Variants in ABHD5 observed in about 807,000 individuals in gnomAD.
The protein encoded by ABHD5 is 1-acylglycerol-3-phosphate O-acyltransferase ABHD5.
ABHD5 carries 30 observed loss-of-function variants against 44.9 expected under a neutral mutation model. The ratio of observed to expected loss-of-function variants is 0.67; its 90% CI spans 0.50 to 0.91. The LOEUF (loss-of-function observed/expected upper bound fraction) is 0.91. Among genes scored for constraint, ABHD5 ranks in the 40% least tolerant of loss-of-function variants. ABHD5 has a pLI of 0.00. For missense variants in ABHD5, 399 were observed against 423.4 expected (o/e 0.94, Z 0.50); for synonymous variants, 167 against 147.0 (o/e 1.14, Z -0.99).
chr3:43,707,625 C>G (rs2084637673), intron 3 of ABHD5: 1 of 151,832 alleles, frequency 6.6e-6, no homozygotes, highest in African/African-American at 2.4e-5. Flanking sequence ...TCTAATTGTT[C>G]TCCTTTCTTT....
At position 43,721,130 on chromosome 3, in the gene ABHD5, C is replaced by T. The variant is rs2084830970; in HGVS notation, c.*2598C>T. ...GGGATAACCCTATTAAATATTATAACATAATGTTTACAATATGAGAAAGTC... is the reference window on the plus strand; with the variant it reads ...GGGATAACCCTATTAAATATTATAATATAATGTTTACAATATGAGAAAGTC... On this transcript the variant is annotated 3_prime_UTR_variant, in exon 7 of 7. Coordinates refer to ENST00000644371, the MANE Select transcript of ABHD5 (RefSeq NM_016006.6). 6.6e-6 allele frequency: 1 copy of T among 152,042 alleles called. No individual in the cohort carries two copies. The highest frequency in any genetic ancestry group is 6.5e-5 in the Admixed American group (1 of 15,270). 9.4% of individuals were successfully genotyped at this position (152,042 alleles called of 1,614,324 possible). A position where few individuals can be genotyped will look rare whatever the true frequency, so the allele number is the denominator to read the frequency against.
intron 1 of ABHD5, among the ~76,000 whole-genome samples, chr3:43,694,166 G>T (rs2084440229): frequency 6.6e-6 from 1 of 151,304 alleles, no homozygotes; most frequent in African/African-American, 2.4e-5. Context: ...GGCTGAGGCA[G>T]GAGAATGGCG....
At chr3:43,702,132 T>C (rs2084548621) in intron 2 of ABHD5, 83 bp from the exon 3 acceptor site, 2 of 1,246,188 alleles carry the variant, frequency 1.6e-6, no homozygotes, top group Admixed American at 5.0e-5. Flanking sequence ...CTAGATGATT[T>C]GTAATTTTTG....
intron 4 of ABHD5, among the ~76,000 whole-genome samples, chr3:43,712,617 T>A (rs906513617): frequency 1.3e-5 from 2 of 152,204 alleles, no homozygotes; most frequent in African/African-American, 4.8e-5. Flanking sequence ...CCAAGAGGCT[T>A]AAACTAGAAG....
downstream of ABHD5, among the ~76,000 whole-genome samples, chr3:43,723,674 G>C (rs1468600): frequency 0.051 from 7,688 of 152,226 alleles, 291 homozygotes; most frequent in South Asian, 0.12. Flanking sequence ...TGAAAAGCAC[G>C]TTAATATGCT....
At chr3:43,692,685 T>G (rs757994682) in intron 1 of ABHD5, among the ~76,000 whole-genome samples, 2 of 152,200 alleles carry the variant, frequency 1.3e-5, no homozygotes, top group Non-Finnish European at 2.9e-5. Flanking sequence ...GTTCCCATTT[T>G]GCAGTTGAAA....
At chr3:43,727,157 C>T (rs1393643658), downstream of ABHD5, among the ~76,000 whole-genome samples, 4 of 152,302 alleles carry the variant, frequency 2.6e-5, no homozygotes, top group Middle Eastern at 3.4e-3. Flanking sequence ...TTTTCTACCA[C>T]AGCTCTCCCC....
At chr3:43,704,615 G>A (rs773279966) in intron 3 of ABHD5, among the ~76,000 whole-genome samples, 2 of 152,290 alleles carry the variant, frequency 1.3e-5, no homozygotes, top group Admixed American at 6.5e-5. Context: ...TACTGATAAG[G>A]TCAGTTGGCA....
At position 43,719,142 on chromosome 3, in the gene ABHD5, C is replaced by A. The variant is rs1233664709; in HGVS notation, c.*610C>A. On this transcript the variant is annotated 3_prime_UTR_variant, in exon 7 of 7. Coordinates refer to ENST00000644371, the MANE Select transcript of ABHD5 (RefSeq NM_016006.6). ...GTTTACCTGTTTTTTATATTTAAGG[C>A]TGCTAAGCCATGTTCAGCATTTTAA... is the stretch of plus-strand genomic sequence containing the variant. The A allele has an allele frequency of 6.4e-6, 1 of 156,464 alleles. No homozygotes were observed. Among genetic ancestry groups the A allele is most frequent in the Non-Finnish European group, 1.4e-5 (1 of 70,834 alleles). 9.7% of individuals were successfully genotyped at this position (156,464 alleles called of 1,614,324 possible).
chr3:43,703,572 T>C (rs1447544452), intron 3 of ABHD5, among the ~76,000 whole-genome samples: 2 of 152,180 alleles, frequency 1.3e-5, no homozygotes, highest in African/African-American at 4.8e-5. Context: ...GGAGAAAAAC[T>C]CATCTTTGTT....
chr3:43,699,043 A>G (rs1160296146), intron 1 of ABHD5, among the ~76,000 whole-genome samples: 1 of 152,204 alleles, frequency 6.6e-6, no homozygotes, highest in Non-Finnish European at 1.5e-5. Flanking sequence ...CTGACTATCC[A>G]TGAATAAGAT....
intron 3 of ABHD5, among the ~76,000 whole-genome samples, chr3:43,704,264 C>G (rs1326094740): frequency 6.6e-6 from 1 of 152,128 alleles, no homozygotes; most frequent in Non-Finnish European, 1.5e-5. Flanking sequence ...GTCTCAAACT[C>G]TTGACCTCAG....
chr3:43,691,743 G>C (rs956831218), intron 1 of ABHD5: 2 of 152,204 alleles, frequency 1.3e-5, no homozygotes, highest in South Asian at 4.1e-4. Flanking sequence ...AGAGATACAC[G>C]TTCAAATGTC....
intron 6 of ABHD5, 80 bp from the exon 7 acceptor site, chr3:43,718,363 T>A: frequency 1.8e-6 from 2 of 1,135,080 alleles, no homozygotes; most frequent in Non-Finnish European, 2.7e-6. Context: ...CTTTTATTAC[T>A]AAGTGTCTTT....
intron 3 of ABHD5, among the ~76,000 whole-genome samples, chr3:43,705,688 T>C (rs922726348): frequency 6.6e-6 from 1 of 152,180 alleles, no homozygotes; most frequent in Non-Finnish European, 1.5e-5. Flanking sequence ...CCCTTCTCCC[T>C]AGCTTTTTTC....
chr3:43,693,032 A>G (rs1181293333), intron 1 of ABHD5, among the ~76,000 whole-genome samples: 1 of 152,202 alleles, frequency 6.6e-6, no homozygotes, highest in East Asian at 1.9e-4. Context: ...TGCTTTCAAC[A>G]TCCAACCCCT....
At chr3:43,703,860 T>A (rs898787413) in intron 3 of ABHD5, among the ~76,000 whole-genome samples, 2 of 152,058 alleles carry the variant, frequency 1.3e-5, no homozygotes, top group Non-Finnish European at 2.9e-5. Flanking sequence ...AACAGCCACT[T>A]TTTCTCTATA....
At position 43,718,523 on chromosome 3, in the gene ABHD5, T is replaced by C; in HGVS notation, c.1041T>C (p.Thr347=). The C allele has an allele frequency of 6.2e-7, 1 of 1,614,096 alleles. No homozygotes were observed. Among genetic ancestry groups the C allele is most frequent in the Non-Finnish European group, 8.5e-7 (1 of 1,179,950 alleles). ...FNQKVKEICD[T]VD is the part of the protein sequence containing the mutation. The stretch of plus-strand genomic sequence containing the variant: ...AGAAAGTAAAGGAGATCTGCGACAC[T>C]GTGGACTGAACACACTGAAGCTCTG... Residue 347 remains threonine, a synonymous_variant, in exon 7 of 7, where the codon ACT becomes ACC. Coordinates refer to ENST00000644371, the MANE Select transcript of ABHD5 (RefSeq NM_016006.6).
intron 3 of ABHD5, among the ~76,000 whole-genome samples, chr3:43,709,705 A>G (rs766331508): frequency 1.3e-5 from 2 of 152,128 alleles, no homozygotes; most frequent in Non-Finnish European, 2.9e-5. Context: ...TACCCCTGTT[A>G]GGCCTCTTCC....
Sources: allele counts gnomAD v4.1 joint callset (sites outside exome capture counted in the v4.1 genomes callset), GRCh38; gene constraint gnomAD v4.1.1; transcripts MANE v1.5; gene names NCBI Gene and HGNC (gene_info 2026-07-23, HGNC 2026-07-21).